GPC5: variants seen among roughly 807,000 people sequenced by gnomAD.
GPC5 encodes the protein glypican-5.
A neutral mutation model predicts 53.9 loss-of-function variants in GPC5; 47 were observed. That is an observed-to-expected ratio of 0.87 (90% CI 0.69 to 1.11). The LOEUF is 1.11. Among genes scored for constraint, GPC5 ranks in the 50% most tolerant of loss-of-function variants. The pLI is 0.00. For missense variants in GPC5, 748 were observed against 713.1 expected, an observed-to-expected ratio of 1.05 and a Z score of -0.56; for synonymous variants, 286 against 263.3, an observed-to-expected ratio of 1.09 and a Z score of -0.84.
At chr13:91,832,675 A>C (rs911843731) in intron 5 of GPC5, among the ~76,000 whole-genome samples, 1 of 152,146 alleles carries the variant, frequency 6.6e-6, no homozygotes, top group Non-Finnish European at 1.5e-5. Context: ...GCATAAATAA[A>C]GATGTTCTTT....
intron 2 of GPC5, among the ~76,000 whole-genome samples, chr13:91,497,735 T>C (rs1884356864): frequency 6.6e-6 from 1 of 152,192 alleles, no homozygotes; most frequent in South Asian, 2.1e-4. Flanking sequence ...GGTATCAACA[T>C]GAGGATTTAT....
chr13:92,199,757 T>C (rs957340782), intron 7 of GPC5, among the ~76,000 whole-genome samples: 5 of 152,166 alleles, frequency 3.3e-5, no homozygotes, highest in African/African-American at 7.2e-5. Context: ...CAAAAAAGCA[T>C]TGAAGTTTTA....
chr13:92,744,705 T>G (rs1339111035), intron 7 of GPC5, among the ~76,000 whole-genome samples: 1 of 152,070 alleles, frequency 6.6e-6, no homozygotes, highest in Non-Finnish European at 1.5e-5. Flanking sequence ...ATTGAAAATT[T>G]ATGGCAGCAT....
chr13:92,040,589 G>A (rs1292426973), intron 6 of GPC5, among the ~76,000 whole-genome samples: 36 of 152,140 alleles, frequency 2.4e-4, no homozygotes, highest in Admixed American at 2.4e-3. Flanking sequence ...TTCTCCTTTG[G>A]TTTTGAAACC....
At position 91,779,938 on chromosome 13, in the gene GPC5, G is replaced by A. The variant is rs185273498; in HGVS notation, c.1280+23518G>A. 2.7e-3 allele frequency among the ~76,000 whole-genome samples: 418 copies of A among 152,178 alleles called. 3 individuals carry two copies. The highest frequency in any genetic ancestry group is 9.3e-3 in the African/African-American group (388 of 41,502). On this transcript the variant is annotated intron_variant, in intron 5 of 7. Transcript: ENST00000377067. Reference sequence around the variant, plus strand: ...GTATACTCTAAAATAAAGGTTAAATGTATAGTTTAGTAAATACATAAACCG... The same window carrying A: ...GTATACTCTAAAATAAAGGTTAAATATATAGTTTAGTAAATACATAAACCG...
chr13:92,722,753 T>C (rs143945422), intron 7 of GPC5, among the ~76,000 whole-genome samples: 611 of 151,916 alleles, frequency 4.0e-3, no homozygotes, highest in Non-Finnish European at 6.7e-3. Flanking sequence ...GATTGGGTAA[T>C]TGTGCAAAGA....
chr13:91,461,365 G>A (rs1220542148), intron 2 of GPC5, among the ~76,000 whole-genome samples: 3 of 152,132 alleles, frequency 2.0e-5, no homozygotes, highest in Admixed American at 6.6e-5. Flanking sequence ...TTTGTGATAG[G>A]ATAGGGAATA....
chr13:92,293,935 T>C (rs2139187586), intron 7 of GPC5, among the ~76,000 whole-genome samples: 1 of 152,112 alleles, frequency 6.6e-6, no homozygotes, highest in Middle Eastern at 3.4e-3. Flanking sequence ...TTTTTCTGAG[T>C]CTATTGAGAT....
intron 7 of GPC5, among the ~76,000 whole-genome samples, chr13:92,318,365 A>T (rs934598152): frequency 6.6e-6 from 1 of 152,172 alleles, no homozygotes; most frequent in Non-Finnish European, 1.5e-5. Flanking sequence ...TCATCACTTA[A>T]TATGGAATAA....
At chr13:92,162,068 A>C (rs751229011) in intron 7 of GPC5, among the ~76,000 whole-genome samples, 1 of 137,654 alleles carries the variant, frequency 7.3e-6, no homozygotes, top group East Asian at 2.1e-4. Context: ...ATTTTTTGTC[A>C]TAATTATTGT....
At chr13:92,049,750 A>T (rs2041012285) in intron 6 of GPC5, among the ~76,000 whole-genome samples, 1 of 152,176 alleles carries the variant, frequency 6.6e-6, no homozygotes, top group African/African-American at 2.4e-5. Flanking sequence ...ATTAGATTGC[A>T]ATGTTAACTA....
At chr13:91,536,494 G>T (rs576008894) in intron 2 of GPC5, among the ~76,000 whole-genome samples, 1 of 152,254 alleles carries the variant, frequency 6.6e-6, no homozygotes, top group South Asian at 2.1e-4. Context: ...TATTTAAAAG[G>T]TTTATCTTGA....
At chr13:91,797,923 T>C (rs2038072760) in intron 5 of GPC5, among the ~76,000 whole-genome samples, 1 of 152,172 alleles carries the variant, frequency 6.6e-6, no homozygotes, top group Admixed American at 6.5e-5. Flanking sequence ...AATATTTATA[T>C]TAGGCCTCAA....
At chr13:92,311,110 AAAAC>A (rs1566532696) in intron 7 of GPC5, among the ~76,000 whole-genome samples, 3 of 152,178 alleles carry the variant, frequency 2.0e-5, no homozygotes, top group Admixed American at 1.3e-4. Context: ...AAAAACAAGA[AAAAC>A]AAAAAGTTAT....
intron 7 of GPC5, among the ~76,000 whole-genome samples, chr13:92,237,972 C>T (rs893807475): frequency 1.3e-5 from 2 of 151,902 alleles, no homozygotes; most frequent in Non-Finnish European, 2.9e-5. Context: ...TTCATCCATG[C>T]TGTAACTTGT....
intron 6 of GPC5, among the ~76,000 whole-genome samples, chr13:92,117,831 T>G (rs1309242914): frequency 6.6e-6 from 1 of 152,190 alleles, no homozygotes. Context: ...ACTCACATAT[T>G]GAGCATTTTA....
intron 7 of GPC5, among the ~76,000 whole-genome samples, chr13:92,763,429 G>T (rs1355207378): frequency 5.3e-5 from 8 of 152,130 alleles, no homozygotes; most frequent in Non-Finnish European, 1.2e-4. Context: ...CGTGGCAGTG[G>T]CAGTGTAGGT....
intron 5 of GPC5, among the ~76,000 whole-genome samples, chr13:91,830,591 T>A (rs2038639728): frequency 6.6e-6 from 1 of 151,564 alleles, no homozygotes; most frequent in South Asian, 2.1e-4. Context: ...ATAAAAGTAT[T>A]AATTTGGGGA....
intron 7 of GPC5, among the ~76,000 whole-genome samples, chr13:92,442,135 G>A (rs1877599893): frequency 6.6e-6 from 1 of 152,182 alleles, no homozygotes; most frequent in South Asian, 2.1e-4. Context: ...TGAAATAATT[G>A]CTGAAGGCTA....
Sources: gnomAD v4.1 joint callset for allele counts (sites outside exome capture counted in the v4.1 genomes callset) on GRCh38, gnomAD v4.1.1 for gene constraint, MANE v1.5 for transcripts, NCBI Gene and HGNC (gene_info 2026-07-23, HGNC 2026-07-21) for gene names.